The following DENND1B variants were observed in gnomAD, a reference collection of about 807,000 sequenced individuals.
The protein encoded by DENND1B is DENN domain-containing protein 1B.
DENND1B carries 59 observed loss-of-function variants against 90.1 expected under a neutral mutation model. The ratio of observed to expected loss-of-function variants is 0.65; its 90% CI spans 0.53 to 0.81. DENND1B has a LOEUF of 0.81. DENND1B is among the 40% of genes least tolerant of loss of function. The pLI is 0.00. For missense variants in DENND1B, 862 were observed against 912.6 expected, an observed-to-expected ratio of 0.94 and a Z score of 0.71; for synonymous variants, 337 against 324.6, an observed-to-expected ratio of 1.04 and a Z score of -0.41.
chr1:197,746,915 G>C, intron 2 of DENND1B: 1 of 1,583,162 alleles, frequency 6.3e-7, no homozygotes, highest in Non-Finnish European at 8.7e-7. Flanking sequence ...AAGCTCTCGA[G>C]TAGCTAGCTG....
chr1:197,597,163 A>G (rs1675774743), intron 13 of DENND1B, among the ~76,000 whole-genome samples: 1 of 147,178 alleles, frequency 6.8e-6, no homozygotes, highest in Non-Finnish European at 1.5e-5. Flanking sequence ...TCTAATCTCA[A>G]TAAATGCATA....
chr1:197,543,945 G>A (rs963187043), intron 18 of DENND1B, among the ~76,000 whole-genome samples: 3 of 151,530 alleles, frequency 2.0e-5, no homozygotes, highest in Non-Finnish European at 4.4e-5. Flanking sequence ...ACCGAGAAAA[G>A]CTTTTGAAGA....
At chr1:197,778,919 T>G (rs775255597), upstream of DENND1B, among the ~76,000 whole-genome samples, 70 of 152,156 alleles carry the variant, frequency 4.6e-4, no homozygotes, top group Non-Finnish European at 9.4e-4. Context: ...TTTTAACTGA[T>G]TAAAGCCAGA....
At chr1:197,666,148 A>G (rs764530203) in intron 5 of DENND1B, among the ~76,000 whole-genome samples, 2 of 152,186 alleles carry the variant, frequency 1.3e-5, no homozygotes, top group African/African-American at 2.4e-5. Flanking sequence ...TTTTTGTGTG[A>G]AATCTCAACT....
At chr1:197,760,633 C>A (rs1268208952) in intron 2 of DENND1B, among the ~76,000 whole-genome samples, 1 of 146,942 alleles carries the variant, frequency 6.8e-6, no homozygotes, top group African/African-American at 2.5e-5. Flanking sequence ...CAGAGTGAGA[C>A]CTTGTCTCAA....
intron 2 of DENND1B, among the ~76,000 whole-genome samples, chr1:197,729,210 G>A (rs959669224): frequency 6.6e-6 from 1 of 152,096 alleles, no homozygotes; most frequent in African/African-American, 2.4e-5. Context: ...TTTAAACAAA[G>A]CTCCTAAAAG....
intron 2 of DENND1B, among the ~76,000 whole-genome samples, chr1:197,736,490 C>A (rs1662704268): frequency 6.6e-6 from 1 of 152,020 alleles, no homozygotes; most frequent in South Asian, 2.1e-4. Context: ...TGCCACCACA[C>A]CCAGCTAATT....
At chr1:197,616,848 C>T (rs1218343346) in intron 11 of DENND1B, among the ~76,000 whole-genome samples, 1 of 150,974 alleles carries the variant, frequency 6.6e-6, no homozygotes, top group Admixed American at 6.6e-5. Context: ...GAGGAAAAAT[C>T]CCATCACATT....
Position 197,642,753 on chromosome 1 carries a change from C to T in DENND1B, c.630G>A (p.Leu210=). 2 of 1,613,588 alleles carry T rather than the reference C, an allele frequency of 1.2e-6. No individual in the cohort carries two copies. The highest frequency in any genetic ancestry group is 1.7e-6 in the Non-Finnish European group (2 of 1,179,778). ...NNMLQLYASM[L]HERRIVIISS... ...AGATAATCACGATGCGCCTTTCATG[C>T]AGCATACTGGCATACAGCTGCAGCA... is the stretch of plus-strand genomic sequence containing the variant. Residue 210 remains leucine, a synonymous_variant, in exon 10 of 23, where the codon CTG becomes CTA. Transcript: ENST00000620048.
At chr1:197,728,004 A>G (rs1399292472) in intron 2 of DENND1B, among the ~76,000 whole-genome samples, 1 of 152,158 alleles carries the variant, frequency 6.6e-6, no homozygotes, top group Admixed American at 6.5e-5. Flanking sequence ...TCGCCCCTAC[A>G]TATAATTTAA....
chr1:197,588,396 T>A (rs531193386), intron 14 of DENND1B, among the ~76,000 whole-genome samples: 1 of 152,308 alleles, frequency 6.6e-6, no homozygotes, highest in Non-Finnish European at 1.5e-5. Context: ...ACTTAAAACA[T>A]AGATTAGATC....
intron 3 of DENND1B, among the ~76,000 whole-genome samples, chr1:197,694,618 A>G (rs1658246571): frequency 6.6e-6 from 1 of 151,478 alleles, no homozygotes; most frequent in South Asian, 2.1e-4. Flanking sequence ...TTATAGAACT[A>G]AATTCCAGTT....
intron 15 of DENND1B, among the ~76,000 whole-genome samples, chr1:197,569,208 ATTAAAACCACAG>A (rs1297607450): frequency 1.3e-5 from 2 of 152,190 alleles, no homozygotes; most frequent in Non-Finnish European, 2.9e-5. Flanking sequence ...AGAAATGCAA[ATTAAAACCACAG>A]TGAGACATCA....
Position 197,705,952 on chromosome 1 carries a change from C to T in DENND1B, c.126+9079G>A, listed in dbSNP as rs139919528. ...AACCATGGTCAAAGGTTGTACTAGA[C>T]GTAATTAATATTTATCACGCCCATT... On this transcript the variant is annotated intron_variant, in intron 3 of 22. Coordinates refer to ENST00000620048, the MANE Select transcript of DENND1B (RefSeq NM_001195215.2). 5.0e-3 allele frequency among the ~76,000 whole-genome samples: 763 copies of T among 152,112 alleles called. 15 individuals are homozygous for T. Among genetic ancestry groups the T allele is most frequent in the East Asian group, 0.034 (176 of 5,168 alleles).
At chr1:197,629,647 T>C (rs942876602) in intron 10 of DENND1B, among the ~76,000 whole-genome samples, 5 of 151,902 alleles carry the variant, frequency 3.3e-5, no homozygotes, top group Admixed American at 2.6e-4. Context: ...CTGCACATTG[T>C]GCACATGTGC....
intron 15 of DENND1B, among the ~76,000 whole-genome samples, chr1:197,558,475 G>A (rs1671889660): frequency 1.3e-5 from 2 of 151,726 alleles, no homozygotes; most frequent in Admixed American, 6.6e-5. Context: ...AAGGATTTTA[G>A]GAGCTATGAG....
At position 197,540,050 on chromosome 1, in the gene DENND1B, T is replaced by C. The variant is rs767851430; in HGVS notation, c.1429A>G (p.Thr477Ala). The C allele has an allele frequency of 2.2e-5, 35 of 1,607,960 alleles. 1 individual carries two copies. The highest frequency in any genetic ancestry group is 1.3e-5 in the African/African-American group (1 of 74,684). The change falls in exon 20 of 23, where the codon ACC becomes GCC. Residue 477 changes from threonine to alanine, a missense_variant. Transcript: ENST00000620048. ...KHKENEEDYG[T>A]CSSSVQYTPV... ...GTATATTGTACAGAACTAGAACAGG[T>C]CCCATAATCTTCTTCATTTTCCTAC...
chr1:197,707,289 G>A (rs1421636456), intron 3 of DENND1B, among the ~76,000 whole-genome samples: 1 of 152,000 alleles, frequency 6.6e-6, no homozygotes, highest in African/African-American at 2.4e-5. Flanking sequence ...GATAGCCAGA[G>A]GTTAGTTAAT....
chr1:197,773,743 A>G (rs1656902281), intron 1 of DENND1B, among the ~76,000 whole-genome samples: 2 of 152,230 alleles, frequency 1.3e-5, no homozygotes, highest in South Asian at 4.1e-4. Context: ...TCAAAAAGTG[A>G]ACTGAAATAT....
Sources: allele counts gnomAD v4.1 joint callset (sites outside exome capture counted in the v4.1 genomes callset), GRCh38; gene constraint gnomAD v4.1.1; transcripts MANE v1.5; gene names NCBI Gene and HGNC (gene_info 2026-07-23, HGNC 2026-07-21).